The following KCND2 variants were observed in gnomAD, a reference collection of about 807,000 sequenced individuals.
KCND2 encodes A-type voltage-gated potassium channel KCND2.
Under a neutral mutation model 54.4 loss-of-function variants are expected in KCND2, and 16 were observed. The ratio of observed to expected loss-of-function variants is 0.29; its 90% CI spans 0.20 to 0.45. The LOEUF (loss-of-function observed/expected upper bound fraction) is 0.45. KCND2 is among the 20% of genes least tolerant of loss of function. The pLI, the probability that KCND2 is intolerant of heterozygous loss-of-function variation, is 1.00. For synonymous variants in KCND2, 317 were observed against 310.7 expected (o/e 1.02, Z -0.21); for missense variants, 486 against 824.2 (o/e 0.59, Z 5.02).
At chr7:120,586,432 AT>A (rs932630419) in intron 1 of KCND2, among the ~76,000 whole-genome samples, 73 of 152,292 alleles carry the variant, frequency 4.8e-4, no homozygotes, top group African/African-American at 1.6e-3. Flanking sequence ...ATCTTTGTTC[AT>A]TATCAAACTT....
At chr7:120,734,079 T>C (rs946254342) in intron 2 of KCND2, among the ~76,000 whole-genome samples, 4 of 152,174 alleles carry the variant, frequency 2.6e-5, no homozygotes, top group Admixed American at 2.0e-4. Flanking sequence ...CACAGCCGCA[T>C]GGTAGAAAAA....
chr7:120,285,283 A>G (rs1285453078), intron 1 of KCND2, among the ~76,000 whole-genome samples: 1 of 152,112 alleles, frequency 6.6e-6, no homozygotes, highest in Non-Finnish European at 1.5e-5. Flanking sequence ...ATAATATGGA[A>G]AACATCAAAC....
intron 1 of KCND2, among the ~76,000 whole-genome samples, chr7:120,493,239 C>CT (rs531074906): frequency 6.6e-6 from 1 of 151,180 alleles, no homozygotes; most frequent in Non-Finnish European, 1.5e-5. Flanking sequence ...AGTTTCTGTT[C>CT]TTTTCCCACA....
At chr7:120,565,516 T>C (rs1291413181) in intron 1 of KCND2, among the ~76,000 whole-genome samples, 4 of 152,196 alleles carry the variant, frequency 2.6e-5, no homozygotes, top group African/African-American at 4.8e-5. Context: ...AATCTAGTTG[T>C]GTAACAAGGT....
At chr7:120,532,624 C>T (rs1291010245) in intron 1 of KCND2, among the ~76,000 whole-genome samples, 2 of 151,568 alleles carry the variant, frequency 1.3e-5, no homozygotes, top group Admixed American at 6.6e-5. Context: ...ACTACAGAAA[C>T]AAAAGATAAG....
intron 1 of KCND2, among the ~76,000 whole-genome samples, chr7:120,348,732 GC>G (rs1000625798): frequency 5.9e-5 from 9 of 152,172 alleles, no homozygotes; most frequent in Admixed American, 1.3e-4. Flanking sequence ...GGCTGCTGCA[GC>G]CATTATTGAA....
chr7:120,425,359 G>A (rs567610179), intron 1 of KCND2, among the ~76,000 whole-genome samples: 1 of 152,286 alleles, frequency 6.6e-6, no homozygotes, highest in African/African-American at 2.4e-5. Context: ...ATGTAGCCAA[G>A]GCCACAGATA....
intron 1 of KCND2, among the ~76,000 whole-genome samples, chr7:120,677,564 G>GATAT (rs1340371002): frequency 2.8e-4 from 33 of 117,148 alleles, no homozygotes; most frequent in African/African-American, 1.1e-3. Flanking sequence ...TAGATATATA[G>GATAT]ATATATAGAT....
intron 1 of KCND2, among the ~76,000 whole-genome samples, chr7:120,638,099 A>C (rs985852135): frequency 3.9e-5 from 6 of 152,126 alleles, no homozygotes; most frequent in Admixed American, 2.6e-4. Flanking sequence ...TTGGAGCAAA[A>C]AGTTTCACAA....
At chr7:120,289,073 CACACAGAGAGAG>C (rs982606773) in intron 1 of KCND2, among the ~76,000 whole-genome samples, 20 of 35,410 alleles carry the variant, frequency 5.6e-4, no homozygotes, top group African/African-American at 7.4e-4. Flanking sequence ...CACACACACA[CACACAGAGAGAG>C]AGAGAGAGAC....
intron 1 of KCND2, among the ~76,000 whole-genome samples, chr7:120,594,953 G>A (rs982466141): frequency 9.9e-5 from 15 of 151,698 alleles, no homozygotes; most frequent in South Asian, 6.3e-4. Context: ...CCGGGAGGCG[G>A]AGGTTGCAGT....
At chr7:120,724,062 T>C (rs1234661608) in intron 1 of KCND2, among the ~76,000 whole-genome samples, 2 of 152,170 alleles carry the variant, frequency 1.3e-5, no homozygotes, top group African/African-American at 4.8e-5. Context: ...CTCCCCTCAC[T>C]CCCTGCCATA....
At chr7:120,433,001 G>A (rs573815464) in intron 1 of KCND2, among the ~76,000 whole-genome samples, 1 of 152,200 alleles carries the variant, frequency 6.6e-6, no homozygotes, top group Non-Finnish European at 1.5e-5. Flanking sequence ...TCTGGCTCCT[G>A]CTGCTGTCTC....
At chr7:120,651,263 T>C (rs1281625706) in intron 1 of KCND2, among the ~76,000 whole-genome samples, 1 of 143,610 alleles carries the variant, frequency 7.0e-6, no homozygotes, top group Non-Finnish European at 1.5e-5. Flanking sequence ...GTGGGCTCCA[T>C]CCAGTTCAAG....
intron 1 of KCND2, among the ~76,000 whole-genome samples, chr7:120,429,202 T>A (rs975582989): frequency 6.6e-6 from 1 of 152,194 alleles, no homozygotes; most frequent in Non-Finnish European, 1.5e-5. Flanking sequence ...ATTATTAAGA[T>A]GTTATTTCTT....
chr7:120,540,806 ACT>A (rs749139685), intron 1 of KCND2, among the ~76,000 whole-genome samples: 4 of 151,478 alleles, frequency 2.6e-5, no homozygotes, highest in Non-Finnish European at 5.9e-5. Context: ...AATAGGATTC[ACT>A]CTCTATAAAA....
intron 1 of KCND2, among the ~76,000 whole-genome samples, chr7:120,644,663 T>C (rs1313883354): frequency 6.6e-6 from 1 of 152,200 alleles, no homozygotes; most frequent in Non-Finnish European, 1.5e-5. Context: ...TCACAAAACG[T>C]CAATTAAGAA....
At chr7:120,447,257 TCTTA>T (rs1802030216) in intron 1 of KCND2, among the ~76,000 whole-genome samples, 1 of 151,876 alleles carries the variant, frequency 6.6e-6, no homozygotes, top group South Asian at 2.1e-4. Context: ...ACATTCACGT[TCTTA>T]GTCTCTCTAA....
intron 1 of KCND2, among the ~76,000 whole-genome samples, chr7:120,385,151 T>G (rs994583240): frequency 2.0e-5 from 3 of 151,158 alleles, no homozygotes; most frequent in African/African-American, 7.3e-5. Flanking sequence ...GGACTACAGG[T>G]GCATGCCACC....
Sources: allele counts gnomAD v4.1 joint callset (sites outside exome capture counted in the v4.1 genomes callset), GRCh38; gene constraint gnomAD v4.1.1; transcripts MANE v1.5; gene names NCBI Gene and HGNC (gene_info 2026-07-23, HGNC 2026-07-21).